ISLR2: variants seen among roughly 807,000 people sequenced by gnomAD.
The protein encoded by ISLR2 is immunoglobulin superfamily containing leucine rich repeat 2, also known as immunoglobulin superfamily containing leucine-rich repeat protein 2.
Under a neutral mutation model 25.5 loss-of-function variants are expected in ISLR2, and 16 were observed. The observed-to-expected ratio is 0.63, with a 90% CI of 0.43 to 0.95. The LOEUF (loss-of-function observed/expected upper bound fraction) is 0.95, where lower values mean the gene tolerates loss of function less well. Among genes scored for constraint, ISLR2 ranks in the 40% least tolerant of loss-of-function variants. ISLR2 has a pLI of 0.00. For missense variants in ISLR2, 883 were observed against 1,030.7 expected, an observed-to-expected ratio of 0.86 and a Z score of 1.96; for synonymous variants, 508 against 486.6, an observed-to-expected ratio of 1.04 and a Z score of -0.58.
chr15:74,108,715 G>C (rs186975335), intron 2 of ISLR2, among the ~76,000 whole-genome samples: 13 of 152,350 alleles, frequency 8.5e-5, no homozygotes, highest in Non-Finnish European at 1.6e-4. Context: ...GGGTCAAGCG[G>C]AACACATGTC....
chr15:74,132,821 C>T lies in ISLR2; in HGVS notation c.67C>T (p.Pro23Ser), dbSNP rs2072453949. 4 of 1,614,122 alleles carry T rather than the reference C, an allele frequency of 2.5e-6. No individual in the cohort carries two copies. The highest frequency in any genetic ancestry group is 2.2e-5 in the East Asian group (1 of 44,880). ...LLGVAGSCPE[P>S]CACVDKYAHQ... ...AGGAGTGGCCGGATCATGCCCGGAG[C>T]CGTGCGCCTGCGTGGACAAGTACGC... The change falls in exon 3 of 3, where the codon CCG (proline) becomes TCG (serine). Residue 23 changes from proline to serine, a missense_variant. Physicochemically the swap from Pro to Ser is moderately conservative, Grantham distance 74 (BLOSUM62 -1). Transcript: ENST00000453268. The surrounding 1 kb of genome is among the most constrained non-coding windows in gnomAD (Gnocchi z 4.3).
At chr15:74,131,651 C>T (rs1316135341) in intron 2 of ISLR2, among the ~76,000 whole-genome samples, 2 of 152,174 alleles carry the variant, frequency 1.3e-5, no homozygotes, top group Non-Finnish European at 2.9e-5. Context: ...TCTTCTCCAG[C>T]TTCATTAGCT....
rs1316504858 is a variant in ISLR2, at chr15:74,135,034, G to C, written c.*42G>C. ...CCCGCCCATTCCCGACCTCCACCTA[G>C]GGTGCCTGGGAGCAGCAGTCTAGGG... On this transcript the variant is annotated 3_prime_UTR_variant, in exon 3 of 3. Transcript: ENST00000453268. The C allele has an allele frequency of 8.8e-6, 14 of 1,588,694 alleles. No individual in the cohort carries two copies. The highest frequency in any genetic ancestry group is 2.2e-5 in the East Asian group (1 of 44,584).
chr15:74,126,345 G>GTTTTTTTTTTTTGTTTTTTTT (rs1228122616), upstream of ISLR2: 1 of 139,970 alleles, frequency 7.1e-6, no homozygotes, highest in African/African-American at 2.9e-5. Flanking sequence ...AAAAGCATAG[G>GTTTTTTTTTTTTGTTTTTTTT]TATTTTTTTT....
At chr15:74,129,342 C>T (rs1261067368), upstream of ISLR2, 5 of 269,502 alleles carry the variant, frequency 1.9e-5, no homozygotes, top group Non-Finnish European at 3.6e-5. This position sits in a 1 kb window ranked among gnomAD's most constrained non-coding sequence, Gnocchi z 4.5. Flanking sequence ...CTCTTCCCCA[C>T]CCCCTCCCCT....
At position 74,110,615 on chromosome 15, in the gene ISLR2, C is replaced by T. The variant is rs1045726645; in HGVS notation, n.228+6701C>T. On this transcript the variant is annotated intron_variant and non_coding_transcript_variant, in intron 2 of 3. Coordinates refer to the ISLR2 transcript ENST00000561975. ...AGCAGATCATTTGAGGTCAGGAGTT[C>T]GAGACCAGCCTGGCCAACATGGTGA... 2.7e-4 allele frequency among the ~76,000 whole-genome samples: 40 copies of T among 149,050 alleles called. 1 individual carries two copies. The highest frequency in any genetic ancestry group is 1.3e-4 in the Admixed American group (2 of 14,832).
chr15:74,134,643 G>A lies in ISLR2; in HGVS notation c.1889G>A (p.Arg630Gln). ...GGCAAGCCCTACCGTCTGATCCTGCGGCCTCAGGCCCCTGACCCTATGGAG... is the reference window on the plus strand; with the variant it reads ...GGCAAGCCCTACCGTCTGATCCTGCAGCCTCAGGCCCCTGACCCTATGGAG... ...HPGKPYRLIL[R>Q]PQAPDPMEKR... The change falls in exon 3 of 3, where the codon CGG (arginine) becomes CAG (glutamine). Residue 630 changes from arginine (R) to glutamine (Q), a missense_variant. Physicochemically the swap from Arg to Gln is conservative, Grantham distance 43. This residue lies in a region of ISLR2 where 612 missense variants were observed against 642.8 expected (regional missense o/e 0.95). Transcript: ENST00000453268. 1 of 1,614,130 alleles carries A rather than the reference G, an allele frequency of 6.2e-7. No homozygotes were observed.
In ISLR2 at chr15:74,133,236, C is replaced by T. The variant is rs2072469941; in HGVS notation, c.482C>T (p.Thr161Met). ...CGCATCAACAACAACCGGCTGCGTA[C>T]GCTGGCGCCTGGCACCTTCGACGCG... ...SLRINNNRLR[T>M]LAPGTFDALS... is the part of the protein sequence containing the mutation. Residue 161 changes from threonine to methionine, a missense_variant, in exon 3 of 3, where the codon ACG becomes ATG. Around this residue, in one of 2 missense-constraint regions of ISLR2, gnomAD observed 271 missense variants for 387.9 expected, o/e 0.70. Transcript: ENST00000453268. The T allele has an allele frequency of 6.2e-7, 1 of 1,612,576 alleles. No individual in the cohort carries two copies. Among genetic ancestry groups the T allele is most frequent in the Non-Finnish European group, 8.5e-7 (1 of 1,180,008 alleles).
intron 1 of ISLR2, among the ~76,000 whole-genome samples, chr15:74,130,923 G>A (rs2072400787): frequency 6.6e-6 from 1 of 152,022 alleles, no homozygotes; most frequent in South Asian, 2.1e-4. Flanking sequence ...AGGCTGCGAA[G>A]AGCCCAGCCA....
At position 74,134,167 on chromosome 15, in the gene ISLR2, C is replaced by A. The variant is rs998014732; in HGVS notation, c.1413C>A (p.His471Gln). Residue 471 changes from histidine (H) to glutamine (Q), a missense_variant, in exon 3 of 3, where the codon CAC becomes CAA. Around this residue, in one of 2 missense-constraint regions of ISLR2, gnomAD observed 612 missense variants for 642.8 expected, o/e 0.95. Coordinates refer to ENST00000453268, the MANE Select transcript of ISLR2 (RefSeq NM_020851.3). ...NGDPSRYVSN[H>Q]AFNQSAELKP... is the part of the protein sequence containing the mutation. ...ACCCCTCTCGGTACGTTTCTAACCA[C>A]GCGTTCAACCAGAGCGCAGAGCTCA... 1 of 1,612,950 alleles carries A rather than the reference C, an allele frequency of 6.2e-7. No homozygotes were observed. The highest frequency in any genetic ancestry group is 8.5e-7 in the Non-Finnish European group (1 of 1,179,698).
chr15:74,102,622 A>G (rs2072088886), intron 1 of ISLR2, among the ~76,000 whole-genome samples: 1 of 151,872 alleles, frequency 6.6e-6, no homozygotes, highest in Non-Finnish European at 1.5e-5. Context: ...GGGCCTGAGC[A>G]TTGCATGTCT....
upstream of ISLR2, among the ~76,000 whole-genome samples, chr15:74,123,864 C>G (rs2072271631): frequency 6.6e-6 from 1 of 152,154 alleles, no homozygotes; most frequent in African/African-American, 2.4e-5. Context: ...CGTGAAAGAG[C>G]TGGGTGCGAT....
upstream of ISLR2, chr15:74,130,514 C>T (rs1439461466): frequency 6.6e-6 from 1 of 152,602 alleles, no homozygotes; most frequent in Non-Finnish European, 1.5e-5. Context: ...CCTTTCCTTC[C>T]CCCAAATTCC....
chr15:74,106,347 C>T (rs2072119327), intron 2 of ISLR2, among the ~76,000 whole-genome samples: 1 of 152,168 alleles, frequency 6.6e-6, no homozygotes, highest in South Asian at 2.1e-4. Flanking sequence ...AGTCCAGTCT[C>T]TGTTGGGTTT....
In ISLR2 at chr15:74,134,958, A is replaced by G; in HGVS notation, c.2204A>G (p.Glu735Gly). The G allele has an allele frequency of 1.2e-6, 2 of 1,613,670 alleles. No individual in the cohort carries two copies. The highest frequency in any genetic ancestry group is 1.7e-6 in the Non-Finnish European group (2 of 1,179,930). ...GCCGAGGCGGTCAACATCGCCCAGG[A>G]GATTAATGGCAACTACAGGCAGACG... ...LGAEAVNIAQ[E>G]INGNYRQTAG Residue 735 changes from glutamate to glycine, a missense_variant, in exon 3 of 3, where the codon GAG becomes GGG. Coordinates refer to ENST00000453268, the MANE Select transcript of ISLR2 (RefSeq NM_020851.3).
At chr15:74,140,139 G>A (rs929703398), downstream of ISLR2, among the ~76,000 whole-genome samples, 11 of 152,118 alleles carry the variant, frequency 7.2e-5, no homozygotes, top group Non-Finnish European at 1.6e-4. Context: ...CCATCTTGAA[G>A]ATCATTAAAG....
At chr15:74,137,949 T>C (rs1457270569), downstream of ISLR2, among the ~76,000 whole-genome samples, 1 of 152,162 alleles carries the variant, frequency 6.6e-6, no homozygotes, top group Non-Finnish European at 1.5e-5. Context: ...CTTTCTTTTT[T>C]TTTTATTTTT....
At chr15:74,116,225 C>T (rs1177710652) in intron 2 of ISLR2, among the ~76,000 whole-genome samples, 2 of 151,782 alleles carry the variant, frequency 1.3e-5, no homozygotes, top group Admixed American at 6.6e-5. Context: ...TTACTAGAGA[C>T]GAAAAAGTTA....
At chr15:74,114,004 T>TAC (rs2072190864) in intron 2 of ISLR2, among the ~76,000 whole-genome samples, 1 of 152,248 alleles carries the variant, frequency 6.6e-6, no homozygotes, top group Non-Finnish European at 1.5e-5. Flanking sequence ...TCCTTTCTGA[T>TAC]ACTCTGCCAC....
Sources: gnomAD v4.1 joint callset for allele counts (sites outside exome capture counted in the v4.1 genomes callset) on GRCh38, gnomAD v4.1.1 for gene constraint, gnomAD v4.1.1 regional missense constraint, Gnocchi (gnomAD v3.1) non-coding constraint, MANE v1.5 for transcripts, NCBI Gene and HGNC (gene_info 2026-07-23, HGNC 2026-07-21) for gene names.